Variants in EYA4 observed in about 807,000 individuals in gnomAD.
The protein encoded by EYA4 is EYA transcriptional coactivator and phosphatase 4.
Under a neutral mutation model 87.9 loss-of-function variants are expected in EYA4, and 31 were observed. The observed-to-expected ratio is 0.35, with a 90% CI of 0.27 to 0.48. The LOEUF (loss-of-function observed/expected upper bound fraction) is 0.48, where lower values mean the gene tolerates loss of function less well. Among genes scored for constraint, EYA4 ranks in the 20% least tolerant of loss-of-function variants. The probability of loss-of-function intolerance (pLI) is 0.99; values close to 1 mark genes in which losing one functional copy is unlikely to be tolerated. For synonymous variants in EYA4, 263 were observed against 270.6 expected, an observed-to-expected ratio of 0.97 and a Z score of 0.28; for missense variants, 678 against 761.4, an observed-to-expected ratio of 0.89 and a Z score of 1.29.
intron 2 of EYA4, among the ~76,000 whole-genome samples, chr6:133,342,829 T>C (rs1351625665): frequency 6.6e-6 from 1 of 151,982 alleles, no homozygotes; most frequent in Non-Finnish European, 1.5e-5. Flanking sequence ...AGTGAAAATT[T>C]CTTTATATTT....
chr6:133,275,280 A>T (rs568652759), intron 2 of EYA4, among the ~76,000 whole-genome samples: 1 of 152,332 alleles, frequency 6.6e-6, no homozygotes, highest in African/African-American at 2.4e-5. Flanking sequence ...AGAATGCACC[A>T]GCTTGATGGC....
At chr6:133,273,722 A>G (rs1776927800) in intron 1 of EYA4, among the ~76,000 whole-genome samples, 1 of 152,188 alleles carries the variant, frequency 6.6e-6, no homozygotes, top group South Asian at 2.1e-4. Flanking sequence ...GCAATTTTAA[A>G]TTACATTTCA....
rs995859504 is a variant in EYA4, at chr6:133,307,713, A to T, written c.33+32900A>T. On this transcript the variant is annotated intron_variant, in intron 2 of 19. Coordinates refer to ENST00000355286, the MANE Select transcript of EYA4 (RefSeq NM_004100.5). ...GCATGGTTCTAAGCACTTTCTAAAA[A>T]TTATCTCACTTATTCATAAGAACAG... is the stretch of plus-strand genomic sequence containing the variant. Among the ~76,000 whole-genome samples the T allele has an allele frequency of 5.9e-5, 9 of 152,296 alleles. No individual in the cohort carries two copies. The South Asian group carries it at 1.9e-3, about 32-fold the overall frequency.
At chr6:133,491,888 C>G (rs1562483181) in intron 13 of EYA4, among the ~76,000 whole-genome samples, 1 of 141,270 alleles carries the variant, frequency 7.1e-6, no homozygotes, top group Admixed American at 7.7e-5. Context: ...GGTGGCAGAG[C>G]TTGCAGTGAG....
chr6:133,249,676 C>T (rs1774725278), intron 1 of EYA4, among the ~76,000 whole-genome samples: 1 of 152,162 alleles, frequency 6.6e-6, no homozygotes, highest in Non-Finnish European at 1.5e-5. Context: ...AATGCTTTTT[C>T]TCTGGAAAAC....
In EYA4 at chr6:133,439,049, C is replaced by CAAAA. The variant is rs56261819; in HGVS notation, c.84-7557_84-7554dup. 1.3e-3 allele frequency among the ~76,000 whole-genome samples: 86 copies of CAAAA among 64,022 alleles called. 6 individuals are homozygous for CAAAA. Among genetic ancestry groups the CAAAA allele is most frequent in the South Asian group, 2.7e-3 (3 of 1,122 alleles). The allele number at this position is 64,022 out of a possible 152,430, so 42.0% of individuals were successfully genotyped here. A position where few individuals can be genotyped will look rare whatever the true frequency, so the allele number is the denominator to read the frequency against. On this transcript the variant is annotated intron_variant, in intron 3 of 19. Transcript: ENST00000355286. ...TGGGTGACAAAGCGAGACTCCGTCT[C>CAAAA]AAAAAAAAAAAAAAAAAAAAAAAAA...
At chr6:133,414,944 A>G (rs1223995644) in intron 3 of EYA4, among the ~76,000 whole-genome samples, 1 of 152,212 alleles carries the variant, frequency 6.6e-6, no homozygotes, top group Non-Finnish European at 1.5e-5. Flanking sequence ...ATGAAGGGAC[A>G]TCAGAAATAA....
In EYA4 at chr6:133,295,743, G is replaced by A. The variant is rs1387493089; in HGVS notation, c.33+20930G>A. ...GATCCAAATCCAGGTCTGTCAGACCGCAGGGTCTTTGTTTACTCTGCTATA... is the reference window on the plus strand; with the variant it reads ...GATCCAAATCCAGGTCTGTCAGACCACAGGGTCTTTGTTTACTCTGCTATA... On this transcript the variant is annotated intron_variant, in intron 2 of 19. Coordinates refer to ENST00000355286, the MANE Select transcript of EYA4 (RefSeq NM_004100.5). Among the ~76,000 whole-genome samples, 7 of 152,088 alleles carry A rather than the reference G, an allele frequency of 4.6e-5. No homozygotes were observed. The South Asian group carries it at 8.3e-4, about 18-fold the overall frequency.
chr6:133,340,387 T>A (rs973837602), intron 2 of EYA4, among the ~76,000 whole-genome samples: 1 of 152,208 alleles, frequency 6.6e-6, no homozygotes, highest in East Asian at 1.9e-4. Flanking sequence ...AGTGCTTACA[T>A]TTGTTTGGAG....
intron 11 of EYA4, among the ~76,000 whole-genome samples, chr6:133,480,837 A>C (rs1437733358): frequency 6.6e-6 from 1 of 152,160 alleles, no homozygotes; most frequent in African/African-American, 2.4e-5. Flanking sequence ...TATTCTAAGA[A>C]GTTTTATGTA....
intron 2 of EYA4, among the ~76,000 whole-genome samples, chr6:133,374,382 G>A (rs937193022): frequency 6.6e-6 from 1 of 151,948 alleles, no homozygotes. Flanking sequence ...TCGCATTAAA[G>A]GCCAGAAATC....
chr6:133,286,350 A>G (rs1239397802), intron 2 of EYA4, among the ~76,000 whole-genome samples: 1 of 152,240 alleles, frequency 6.6e-6, no homozygotes, highest in East Asian at 1.9e-4. Flanking sequence ...TGAACTTGAA[A>G]TATAAATTTG....
intron 2 of EYA4, among the ~76,000 whole-genome samples, chr6:133,300,226 G>C (rs868847731): frequency 6.6e-6 from 1 of 151,986 alleles, no homozygotes; most frequent in South Asian, 2.1e-4. Context: ...GGAGGAGAAA[G>C]AGGAGGGGTT....
In EYA4 at chr6:133,277,420, A is replaced by G. The variant is rs555771157; in HGVS notation, c.33+2607A>G. ...TAGTTAAGGGCATGAGCTATAAATC[A>G]GACTTCCCTGTCACTTAAATGCTTT... On this transcript the variant is annotated intron_variant, in intron 2 of 19. Coordinates refer to ENST00000355286, the MANE Select transcript of EYA4 (RefSeq NM_004100.5). 2.0e-5 allele frequency among the ~76,000 whole-genome samples: 3 copies of G among 152,358 alleles called. No individual in the cohort carries two copies. The East Asian group carries it at 5.8e-4, about 29-fold the overall frequency.
At chr6:133,486,662 C>T (rs1226455199) in intron 13 of EYA4, among the ~76,000 whole-genome samples, 1 of 152,074 alleles carries the variant, frequency 6.6e-6, no homozygotes, top group African/African-American at 2.4e-5. Context: ...GACATTGGTA[C>T]TGAGAGGAGC....
intron 3 of EYA4, among the ~76,000 whole-genome samples, chr6:133,398,655 G>A (rs1039987952): frequency 2.0e-5 from 3 of 152,112 alleles, no homozygotes; most frequent in African/African-American, 4.8e-5. Flanking sequence ...GCATGCTATG[G>A]AAGGCTTGCT....
intron 3 of EYA4, among the ~76,000 whole-genome samples, chr6:133,386,974 C>T (rs1374019586): frequency 6.6e-6 from 1 of 152,116 alleles, no homozygotes; most frequent in Non-Finnish European, 1.5e-5. Context: ...TTAGTAAAGG[C>T]CTTGGCCTGT....
intron 2 of EYA4, among the ~76,000 whole-genome samples, chr6:133,293,063 C>T (rs536522244): frequency 6.6e-6 from 1 of 152,298 alleles, no homozygotes; most frequent in East Asian, 1.9e-4. Context: ...TTCCCGTGGT[C>T]TCTTTCTCTG....
intron 2 of EYA4, among the ~76,000 whole-genome samples, chr6:133,330,370 A>G (rs1171445739): frequency 3.3e-5 from 5 of 152,100 alleles, no homozygotes; most frequent in Admixed American, 6.6e-5. Flanking sequence ...CTCTGTAATT[A>G]TAAATTACCC....
Sources: gnomAD v4.1 joint callset for allele counts (sites outside exome capture counted in the v4.1 genomes callset) on GRCh38, gnomAD v4.1.1 for gene constraint, MANE v1.5 for transcripts, NCBI Gene and HGNC (gene_info 2026-07-23, HGNC 2026-07-21) for gene names.